Variants in BMPR1A observed in about 807,000 individuals in gnomAD.
The protein encoded by BMPR1A is bone morphogenetic protein receptor type-1A.
BMPR1A carries 7 observed loss-of-function variants against 66.0 expected under a neutral mutation model. That is an observed-to-expected ratio of 0.11 (90% CI 0.06 to 0.20). The LOEUF is 0.20. Among genes scored for constraint, BMPR1A ranks in the 10% least tolerant of loss-of-function variants. BMPR1A has a pLI of 1.00. For synonymous variants in BMPR1A, 200 were observed against 229.7 expected (o/e 0.87, Z 1.17); for missense variants, 408 against 669.1 (o/e 0.61, Z 4.31).
chr10:86,899,763 A>G, intron 5 of BMPR1A, 31 bp from the exon 6 acceptor site: 1 of 1,588,174 alleles, frequency 6.3e-7, no homozygotes, highest in Non-Finnish European at 8.6e-7. Flanking sequence ...ATACCAAACC[A>G]TTTCTAATTT....
chr10:86,835,516 A>G (rs945656191), intron 1 of BMPR1A, among the ~76,000 whole-genome samples: 6 of 128,586 alleles, frequency 4.7e-5, no homozygotes, highest in African/African-American at 1.8e-4. Context: ...GTGCCACTGT[A>G]CTCCAGCCTG....
At chr10:86,895,740 A>G (rs1356392200) in intron 5 of BMPR1A, among the ~76,000 whole-genome samples, 1 of 151,698 alleles carries the variant, frequency 6.6e-6, no homozygotes, top group Non-Finnish European at 1.5e-5. Context: ...TCATTAAGAA[A>G]TGCCTGGCCA....
chr10:86,832,616 T>A (rs773128678), intron 1 of BMPR1A, among the ~76,000 whole-genome samples: 1 of 152,224 alleles, frequency 6.6e-6, no homozygotes, highest in African/African-American at 2.4e-5. Flanking sequence ...AACCACTGCT[T>A]ATTTTCTGTC....
At chr10:86,759,939 TG>T (rs1222852324) in intron 1 of BMPR1A, among the ~76,000 whole-genome samples, 6 of 152,140 alleles carry the variant, frequency 3.9e-5, no homozygotes, top group Non-Finnish European at 8.8e-5. Flanking sequence ...TAGTGTTATT[TG>T]GCTTTCACGT....
At chr10:86,835,588 A>AAAAAAAAAAAAAAAAAAG (rs1842334954) in intron 1 of BMPR1A, among the ~76,000 whole-genome samples, 1 of 133,412 alleles carries the variant, frequency 7.5e-6, no homozygotes, top group Non-Finnish European at 1.6e-5. Context: ...AAAAAAAAAA[A>AAAAAAAAAAAAAAAAAAG]GGTGTTTTGG....
intron 1 of BMPR1A, among the ~76,000 whole-genome samples, chr10:86,832,601 T>G (rs1191004311): frequency 6.6e-6 from 1 of 152,220 alleles, no homozygotes; most frequent in Non-Finnish European, 1.5e-5. Context: ...CCTCCTCATC[T>G]AGGCAACCAC....
intron 1 of BMPR1A, among the ~76,000 whole-genome samples, chr10:86,818,802 A>G (rs1235907687): frequency 6.6e-6 from 1 of 152,190 alleles, no homozygotes; most frequent in African/African-American, 2.4e-5. Context: ...TCTGCCACCC[A>G]CTTTATTTGA....
intron 1 of BMPR1A, among the ~76,000 whole-genome samples, chr10:86,815,609 T>A (rs1268298203): frequency 6.6e-6 from 1 of 152,240 alleles, no homozygotes; most frequent in South Asian, 2.1e-4. Context: ...TTGCAGGCAC[T>A]GGTTTTATCT....
At position 86,892,937 on chromosome 10, in the gene BMPR1A, A is replaced by G. The variant is rs1187155178; in HGVS notation, c.333+708A>G. 2.6e-5 allele frequency among the ~76,000 whole-genome samples: 4 copies of G among 151,866 alleles called. No individual in the cohort carries two copies. The East Asian group carries it at 5.8e-4, about 22-fold the overall frequency. Reference sequence around the variant, plus strand: ...CTTTGGCTACTGATTACAATTTTCAATGAGAAAAAGTTTCTAAACTTTCTT... The same window carrying G: ...CTTTGGCTACTGATTACAATTTTCAGTGAGAAAAAGTTTCTAAACTTTCTT... On this transcript the variant is annotated intron_variant, in intron 5 of 12. Transcript: ENST00000372037.
intron 1 of BMPR1A, among the ~76,000 whole-genome samples, chr10:86,831,483 C>G (rs1044177643): frequency 6.6e-6 from 1 of 152,206 alleles, no homozygotes; most frequent in Admixed American, 6.5e-5. Flanking sequence ...GCACCAGGCA[C>G]AGTGGTTTAT....
chr10:86,822,173 A>G (rs1422001633), intron 1 of BMPR1A, among the ~76,000 whole-genome samples: 1 of 152,058 alleles, frequency 6.6e-6, no homozygotes, highest in Non-Finnish European at 1.5e-5. Flanking sequence ...TTTAGGTCCA[A>G]CTTTAGCATG....
intron 1 of BMPR1A, among the ~76,000 whole-genome samples, chr10:86,802,931 C>CCAA (rs1841832159): frequency 7.1e-6 from 1 of 141,106 alleles, no homozygotes; most frequent in South Asian, 2.3e-4. Flanking sequence ...ATTAGCCAGG[C>CCAA]ATTGTGATAC....
downstream of BMPR1A, chr10:86,931,100 G>C (rs117791044): frequency 0.047 from 7,175 of 151,318 alleles, 218 homozygotes; most frequent in South Asian, 0.077. Context: ...AATTAGCTGG[G>C]TGTGGTGGTA....
intron 1 of BMPR1A, among the ~76,000 whole-genome samples, chr10:86,787,121 T>C (rs1051985184): frequency 4.6e-5 from 7 of 152,150 alleles, no homozygotes; most frequent in African/African-American, 1.7e-4. Context: ...ATGTGTTATA[T>C]CAATTGAGAG....
chr10:86,915,829 T>G (rs1475336289), intron 8 of BMPR1A, among the ~76,000 whole-genome samples: 1 of 152,212 alleles, frequency 6.6e-6, no homozygotes, highest in Non-Finnish European at 1.5e-5. Context: ...CATTTCCAAC[T>G]TGGAGCATAA....
intron 1 of BMPR1A, among the ~76,000 whole-genome samples, chr10:86,826,553 C>T (rs1842198585): frequency 6.6e-6 from 1 of 151,978 alleles, no homozygotes. Context: ...CATATTTTTC[C>T]TTTTCTTATA....
At chr10:86,762,366 TCTTTC>T (rs1392749382) in intron 1 of BMPR1A, among the ~76,000 whole-genome samples, 1 of 152,226 alleles carries the variant, frequency 6.6e-6, no homozygotes, top group Non-Finnish European at 1.5e-5. Context: ...GAATTTTTTT[TCTTTC>T]TTTTTGAGAC....
rs1446383260 is a variant in BMPR1A at position 86,927,679 on chromosome 10, C to G, written c.*3960C>G. 5.0e-6 allele frequency: 1 copy of G among 198,070 alleles called. No individual in the cohort carries two copies. The highest frequency in any genetic ancestry group is 1.0e-5 in the Non-Finnish European group (1 of 96,016). 12.3% of individuals were successfully genotyped at this position (198,070 alleles called of 1,614,324 possible). ...CCCTTTTAGTGACCTTTGTCCTGGC[C>G]CATTTAAAAACTAAAATGTAGTATA... On this transcript the variant is annotated 3_prime_UTR_variant, in exon 13 of 13. Coordinates refer to ENST00000372037, the MANE Select transcript of BMPR1A (RefSeq NM_004329.3).
In BMPR1A at chr10:86,923,558, T is replaced by C. The variant is rs918190921; in HGVS notation, c.1474-36T>C. On this transcript the variant is annotated intron_variant, in intron 12 of 12. Transcript: ENST00000372037. ...AGTGATTCGTAAATGCCACCAAATA[T>C]ATTCTCTGCTCACTGAACATCTCTT... The C allele has an allele frequency of 1.5e-5, 25 of 1,614,120 alleles. No homozygotes were observed. The East Asian group carries it at 2.7e-4, about 17-fold the overall frequency.
Sources: allele counts gnomAD v4.1 joint callset (sites outside exome capture counted in the v4.1 genomes callset), GRCh38; gene constraint gnomAD v4.1.1; transcripts MANE v1.5; gene names NCBI Gene and HGNC (gene_info 2026-07-23, HGNC 2026-07-21).